The following RANBP2 variants were observed in gnomAD, a reference collection of about 807,000 sequenced individuals.
RANBP2 encodes E3 SUMO-protein ligase RanBP2.
A neutral mutation model predicts 303.6 loss-of-function variants in RANBP2; 57 were observed. The observed-to-expected ratio is 0.19, with a 90% CI of 0.15 to 0.23. The LOEUF (loss-of-function observed/expected upper bound fraction) is 0.23, where lower values mean the gene tolerates loss of function less well. RANBP2 is among the 10% of genes least tolerant of loss of function. The pLI is 1.00. For synonymous variants in RANBP2, 1,167 were observed against 1,301.5 expected (o/e 0.90, Z 2.23); for missense variants, 3,138 against 3,780.8 (o/e 0.83, Z 4.46).
chr2:108,809,160 G>A, the RANBP2 span, among the ~76,000 whole-genome samples: 1 of 152,074 alleles, frequency 6.6e-6, no homozygotes, highest in South Asian at 2.1e-4. Flanking sequence ...TCTCTATGCT[G>A]TTCCATTAGT....
the RANBP2 span, among the ~76,000 whole-genome samples, chr2:108,799,750 C>T: frequency 6.6e-6 from 1 of 152,134 alleles, no homozygotes; most frequent in Admixed American, 6.5e-5. Context: ...TCTCTTGGAT[C>T]TCCAGTGACT....
chr2:109,380,633 G>A, the RANBP2 span, among the ~76,000 whole-genome samples: 10 of 152,302 alleles, frequency 6.6e-5, no homozygotes, highest in Middle Eastern at 3.4e-3. Flanking sequence ...AGCCCTGACC[G>A]CAGCCTGAGT....
At chr2:109,554,010 G>A in the RANBP2 span, among the ~76,000 whole-genome samples, 3 of 152,256 alleles carry the variant, frequency 2.0e-5, no homozygotes, top group East Asian at 1.9e-4. Flanking sequence ...AATTAAGTTC[G>A]TATGGTATAT....
chr2:108,927,230 G>T, the RANBP2 span, among the ~76,000 whole-genome samples: 11 of 152,318 alleles, frequency 7.2e-5, no homozygotes, highest in African/African-American at 2.6e-4. Flanking sequence ...CAGGTGTGCT[G>T]GGCCTTGCTA....
the RANBP2 span, among the ~76,000 whole-genome samples, chr2:109,130,628 G>A: frequency 3.3e-5 from 5 of 152,284 alleles, no homozygotes; most frequent in Non-Finnish European, 7.4e-5. Context: ...AATGCTTCTA[G>A]TAGTCTGGAA....
At chr2:108,760,028 A>C (rs1676614107) in intron 18 of RANBP2, among the ~76,000 whole-genome samples, 1 of 152,122 alleles carries the variant, frequency 6.6e-6, no homozygotes, top group Non-Finnish European at 1.5e-5. Flanking sequence ...GCTTTGTGGC[A>C]CTGAAAGGGC....
chr2:108,825,588 A>G, the RANBP2 span, among the ~76,000 whole-genome samples: 2,003 of 152,242 alleles, frequency 0.013, 44 homozygotes, highest in African/African-American at 0.046. Context: ...TGGCTGACTC[A>G]TTTATTATGT....
the RANBP2 span, among the ~76,000 whole-genome samples, chr2:108,979,884 G>T: frequency 6.6e-6 from 1 of 152,178 alleles, no homozygotes; most frequent in African/African-American, 2.4e-5. Flanking sequence ...CGGGTAGGGG[G>T]GACACCTGGC....
chr2:109,377,378 G>A, the RANBP2 span, among the ~76,000 whole-genome samples: 5 of 152,276 alleles, frequency 3.3e-5, no homozygotes, highest in African/African-American at 1.2e-4. Context: ...TCATCCCAGT[G>A]TCTGCTAACC....
the RANBP2 span, among the ~76,000 whole-genome samples, chr2:108,909,363 G>A: frequency 6.6e-6 from 1 of 152,006 alleles, no homozygotes; most frequent in Non-Finnish European, 1.5e-5. Flanking sequence ...TCCTGCCCTT[G>A]GTCCTGGGAG....
At chr2:109,138,156 T>C in the RANBP2 span, among the ~76,000 whole-genome samples, 1,193 of 152,278 alleles carry the variant, frequency 7.8e-3, 12 homozygotes, top group East Asian at 0.034. Context: ...GCTGGGACTA[T>C]AGGCGAGCAC....
At chr2:109,643,153 G>A in the RANBP2 span, among the ~76,000 whole-genome samples, 1 of 150,804 alleles carries the variant, frequency 6.6e-6, no homozygotes, top group Admixed American at 6.6e-5. Flanking sequence ...CTGCATTCTA[G>A]CATTCCAGCC....
downstream of RANBP2, chr2:108,786,880 A>C: frequency 6.4e-7 from 1 of 1,571,702 alleles, no homozygotes. Flanking sequence ...GAGTCTCAAA[A>C]GCCGCTACGG....
the RANBP2 span, among the ~76,000 whole-genome samples, chr2:109,339,220 C>T: frequency 6.6e-6 from 1 of 151,512 alleles, no homozygotes; most frequent in East Asian, 1.9e-4. Context: ...TGAAAAAAAT[C>T]CACGTATAAG....
At chr2:108,923,286 C>G in the RANBP2 span, 1 of 1,354,574 alleles carries the variant, frequency 7.4e-7, no homozygotes, top group Non-Finnish European at 1.1e-6. Flanking sequence ...GGTGCCAGGA[C>G]CGGCTCTTTC....
At chr2:109,179,325 G>T in the RANBP2 span, among the ~76,000 whole-genome samples, 1 of 152,220 alleles carries the variant, frequency 6.6e-6, no homozygotes, top group East Asian at 1.9e-4. Context: ...TTTCAGAGCT[G>T]CTGACAGTGA....
the RANBP2 span, chr2:109,129,444 C>T: frequency 3.4e-6 from 5 of 1,490,886 alleles, no homozygotes; most frequent in South Asian, 2.5e-5. Flanking sequence ...CACGGCGGAG[C>T]CCGGCTCCCC....
chr2:109,103,767 T>C, the RANBP2 span, among the ~76,000 whole-genome samples: 1 of 152,100 alleles, frequency 6.6e-6, no homozygotes, highest in African/African-American at 2.4e-5. Flanking sequence ...GATCTAGTTA[T>C]GTGAATAGAG....
chr2:108,878,696 G>A, the RANBP2 span, among the ~76,000 whole-genome samples: 2 of 152,228 alleles, frequency 1.3e-5, no homozygotes, highest in Non-Finnish European at 2.9e-5. Context: ...CAATATGTTA[G>A]TAGTAAGTAT....
Sources: allele counts gnomAD v4.1 joint callset (sites outside exome capture counted in the v4.1 genomes callset), GRCh38; gene constraint gnomAD v4.1.1; transcripts MANE v1.5; gene names NCBI Gene and HGNC (gene_info 2026-07-23, HGNC 2026-07-21).